GABRB3: variants seen among roughly 807,000 people sequenced by gnomAD.
GABRB3 encodes gamma-aminobutyric acid type A receptor subunit beta3, also known as gamma-aminobutyric acid receptor subunit beta-3.
In GABRB3, 14 loss-of-function variants were observed where a neutral mutation model predicts 52.1. The ratio of observed to expected loss-of-function variants is 0.27; its 90% CI spans 0.18 to 0.42. The LOEUF is 0.42. Among genes scored for constraint, GABRB3 ranks in the 10% least tolerant of loss-of-function variants. GABRB3 has a pLI of 1.00. For missense variants in GABRB3, 307 were observed against 609.1 expected, an observed-to-expected ratio of 0.50 and a Z score of 5.22; for synonymous variants, 260 against 232.3, an observed-to-expected ratio of 1.12 and a Z score of -1.08.
chr15:26,624,442 C>A, intron 3 of GABRB3: 1 of 985,496 alleles, frequency 1.0e-6, no homozygotes, highest in Non-Finnish European at 1.2e-6. Context: ...GATGGGCTCG[C>A]ACATGGCTTG....
chr15:26,642,708 C>A (rs1204564483), intron 3 of GABRB3, among the ~76,000 whole-genome samples: 3 of 151,712 alleles, frequency 2.0e-5, no homozygotes, highest in Non-Finnish European at 4.4e-5. Flanking sequence ...CACTGATACA[C>A]AATTTTTAAA....
chr15:26,572,621 G>A lies in GABRB3; in HGVS notation c.683-4888C>T, dbSNP rs150079678. Among the ~76,000 whole-genome samples the A allele has an allele frequency of 4.3e-3, 658 of 152,290 alleles. 4 individuals are homozygous for A. The highest frequency in any genetic ancestry group is 0.015 in the African/African-American group (639 of 41,554). ...CAGGATGGAATGCCATGAAATATGC[G>A]GTATCTATGTGGAAAACTCCCAAGT... is the stretch of plus-strand genomic sequence containing the variant. On this transcript the variant is annotated intron_variant, in intron 6 of 8. Coordinates refer to ENST00000311550, the MANE Select transcript of GABRB3 (RefSeq NM_000814.6).
intron 3 of GABRB3, among the ~76,000 whole-genome samples, chr15:26,760,797 A>ACGCGCACG (rs1229585517): frequency 9.0e-6 from 1 of 111,058 alleles, no homozygotes; most frequent in East Asian, 3.3e-4. Flanking sequence ...GCCAACACAC[A>ACGCGCACG]CACACGCGCA....
intron 8 of GABRB3, among the ~76,000 whole-genome samples, chr15:26,554,176 G>GAGTATATATATATATATATATA (rs71420007): frequency 2.1e-3 from 57 of 27,324 alleles, no homozygotes; most frequent in South Asian, 9.9e-3. Context: ...TATATATAAA[G>GAGTATATATATATATATATATA]TATATATATA....
chr15:26,763,173 C>A (rs1890867019), intron 3 of GABRB3, among the ~76,000 whole-genome samples: 1 of 152,164 alleles, frequency 6.6e-6, no homozygotes, highest in Non-Finnish European at 1.5e-5. Context: ...CTGGCAGTAA[C>A]TCCAACGCCT....
chr15:26,645,086 GT>G (rs1186762582), intron 3 of GABRB3, among the ~76,000 whole-genome samples: 2 of 152,148 alleles, frequency 1.3e-5, no homozygotes, highest in African/African-American at 4.8e-5. Context: ...CTACAAAAAT[GT>G]GTAACGTGAG....
chr15:26,735,274 C>T lies in GABRB3; in HGVS notation c.240+37128G>A, dbSNP rs185866372. Among the ~76,000 whole-genome samples the T allele has an allele frequency of 2.6e-5, 4 of 152,014 alleles. No homozygotes were observed. In the East Asian group the frequency reaches 7.8e-4, roughly 30 times the overall value. On this transcript the variant is annotated intron_variant, in intron 3 of 8. Transcript: ENST00000311550. Reference sequence around the variant, plus strand: ...ATCGGGATGTGAAGAAATTGGAATGCTTATGCACTGTTGATGGGAATGTAA... The same window carrying T: ...ATCGGGATGTGAAGAAATTGGAATGTTTATGCACTGTTGATGGGAATGTAA...
At chr15:26,613,894 C>T (rs1892165145) in intron 4 of GABRB3, 2 of 152,226 alleles carry the variant, frequency 1.3e-5, no homozygotes, top group Admixed American at 1.3e-4. Context: ...TAATTACCTT[C>T]TAATGATGCT....
In GABRB3 at chr15:26,772,717, T is replaced by G. The variant is rs1057520112; in HGVS notation, c.136A>C (p.Lys46Gln). ...GGTCTTAGGCGAATGTCGTAGCCTT[T>G]CAACAGCTTGTCCACCGTCTCCTTC... ...FVKETVDKLL[K>Q]GYDIRLRPDF... Residue 46 changes from lysine (K) to glutamine (Q), a missense_variant, in exon 2 of 9, where the codon AAA becomes CAA. Lys to Gln is a moderately conservative substitution (Grantham distance 53). This residue lies in a region of GABRB3 where 90 missense variants were observed against 86.4 expected (regional missense o/e 1.04). Coordinates refer to ENST00000311550, the MANE Select transcript of GABRB3 (RefSeq NM_000814.6). 16 of 1,577,364 alleles carry G rather than the reference T, an allele frequency of 1.0e-5. No individual in the cohort carries two copies. Among genetic ancestry groups the G allele is most frequent in the Admixed American group, 1.8e-5 (1 of 57,030 alleles).
chr15:26,609,093 CACACACACAT>C (rs144098701), intron 4 of GABRB3, among the ~76,000 whole-genome samples: 3,839 of 74,564 alleles, frequency 0.051, 160 homozygotes, highest in African/African-American at 0.18. Context: ...TACACACACA[CACACACACAT>C]ACACACACAC....
At chr15:26,705,444 A>G (rs1889068550) in intron 3 of GABRB3, among the ~76,000 whole-genome samples, 1 of 152,252 alleles carries the variant, frequency 6.6e-6, no homozygotes, top group Non-Finnish European at 1.5e-5. Context: ...TTTGGGAGAC[A>G]TAAACATAGT....
Position 26,548,036 on chromosome 15 carries a change from T to G in GABRB3, c.1179A>C (p.Ile393=). The G allele has an allele frequency of 1.9e-6, 3 of 1,614,182 alleles. No homozygotes were observed. Among genetic ancestry groups the G allele is most frequent in the Non-Finnish European group, 2.5e-6 (3 of 1,180,024 alleles). The stretch of plus-strand genomic sequence containing the variant: ...ACTGGATTCCTGAGTTGTCAAAGGA[T>G]ATTGCTGAATTCCTGGTATCGCCAA... ...GGIGDTRNSA[I]SFDNSGIQYR... The change falls in exon 9 of 9, where the codon ATA becomes ATC. Residue 393 remains isoleucine, a synonymous_variant. Coordinates refer to ENST00000311550, the MANE Select transcript of GABRB3 (RefSeq NM_000814.6).
chr15:26,727,226 T>C lies in GABRB3; in HGVS notation c.240+45176A>G, dbSNP rs150828189. 9.3e-4 allele frequency among the ~76,000 whole-genome samples: 142 copies of C among 152,326 alleles called. 2 individuals are homozygous for C. Among genetic ancestry groups the C allele is most frequent in the African/African-American group, 3.3e-3 (137 of 41,584 alleles). ...TGACTCTCACCTGAAATTTTGGTTATTATGATTCCTGTCGAATGACGACTG... is the reference window on the plus strand; with the variant it reads ...TGACTCTCACCTGAAATTTTGGTTACTATGATTCCTGTCGAATGACGACTG... On this transcript the variant is annotated intron_variant, in intron 3 of 8. Coordinates refer to ENST00000311550, the MANE Select transcript of GABRB3 (RefSeq NM_000814.6).
At position 26,702,526 on chromosome 15, in the gene GABRB3, G is replaced by C. The variant is rs757813084; in HGVS notation, c.240+69876C>G. Among the ~76,000 whole-genome samples the C allele has an allele frequency of 3.9e-5, 6 of 152,278 alleles. 1 individual carries two copies. The South Asian group carries it at 1.2e-3, about 32-fold the overall frequency. ...AATCAGGAGCACTGCAAATCTACTC[G>C]AGTGGCTAATTTTAAAGAGATTGAC... On this transcript the variant is annotated intron_variant, in intron 3 of 8. Coordinates refer to ENST00000311550, the MANE Select transcript of GABRB3 (RefSeq NM_000814.6).
At chr15:26,744,402 T>C (rs2140164100) in intron 3 of GABRB3, among the ~76,000 whole-genome samples, 1 of 149,872 alleles carries the variant, frequency 6.7e-6, no homozygotes, top group East Asian at 2.0e-4. Flanking sequence ...GAAATCGTTT[T>C]CAACTTAACT....
intron 4 of GABRB3, among the ~76,000 whole-genome samples, chr15:26,602,167 G>A (rs780165436): frequency 6.6e-5 from 10 of 151,950 alleles, no homozygotes; most frequent in Admixed American, 3.3e-4. Context: ...GACAAAGAAG[G>A]TCACTATATA....
chr15:26,640,094 T>G (rs1893158283), intron 3 of GABRB3, among the ~76,000 whole-genome samples: 1 of 152,218 alleles, frequency 6.6e-6, no homozygotes, highest in Non-Finnish European at 1.5e-5. Flanking sequence ...TGTTAAACTT[T>G]AGCATAACAT....
At chr15:26,765,029 C>T (rs549362271) in intron 3 of GABRB3, among the ~76,000 whole-genome samples, 8 of 148,130 alleles carry the variant, frequency 5.4e-5, no homozygotes, top group Non-Finnish European at 7.4e-5. Flanking sequence ...ACTTGGGAGG[C>T]TGAGGCAGGA....
intron 3 of GABRB3, chr15:26,772,055 GC>G (rs1193908529): frequency 3.9e-6 from 1 of 255,932 alleles, no homozygotes; most frequent in Non-Finnish European, 7.2e-6. Context: ...AGCGCCTGTT[GC>G]TAAGGAGGCG....
Sources: allele counts gnomAD v4.1 joint callset (sites outside exome capture counted in the v4.1 genomes callset), GRCh38; gene constraint gnomAD v4.1.1; regional missense constraint gnomAD v4.1.1; transcripts MANE v1.5; gene names NCBI Gene and HGNC (gene_info 2026-07-23, HGNC 2026-07-21).